The following TGFBR1 variants were observed in gnomAD, a reference collection of about 807,000 sequenced individuals.
TGFBR1 encodes TGF-beta receptor type-1.
A neutral mutation model predicts 55.1 loss-of-function variants in TGFBR1; 20 were observed. That is an observed-to-expected ratio of 0.36 (90% CI 0.26 to 0.53). The LOEUF (loss-of-function observed/expected upper bound fraction) is 0.53. Among genes scored for constraint, TGFBR1 ranks in the 20% least tolerant of loss-of-function variants. The pLI is 0.91. For synonymous variants in TGFBR1, 220 were observed against 214.8 expected, an observed-to-expected ratio of 1.02 and a Z score of -0.21; for missense variants, 385 against 617.6, an observed-to-expected ratio of 0.62 and a Z score of 3.99.
chr9:99,131,008 T>A (rs766101782), intron 2 of TGFBR1, among the ~76,000 whole-genome samples: 13 of 152,136 alleles, frequency 8.5e-5, no homozygotes, highest in Non-Finnish European at 1.6e-4. Flanking sequence ...TATTAAGAGA[T>A]ATAGGGAACA....
At chr9:99,129,330 A>T (rs1827143389) in intron 2 of TGFBR1, among the ~76,000 whole-genome samples, 1 of 152,208 alleles carries the variant, frequency 6.6e-6, no homozygotes, top group African/African-American at 2.4e-5. Flanking sequence ...GAGGTCTGTT[A>T]TACCTAAAAG....
At chr9:99,113,154 G>A (rs1826634604) in intron 1 of TGFBR1, among the ~76,000 whole-genome samples, 1 of 152,160 alleles carries the variant, frequency 6.6e-6, no homozygotes, top group Admixed American at 6.5e-5. Context: ...TCTTCTGGTT[G>A]TATTGAAATT....
At position 99,146,395 on chromosome 9, in the gene TGFBR1, CTATG is replaced by C. The variant is rs1490456936; in HGVS notation, c.1131-86_1131-83del. 8.8e-6 allele frequency: 12 copies of C among 1,362,988 alleles called. No individual in the cohort carries two copies. The East Asian group carries it at 2.5e-4, about 29-fold the overall frequency. 84.4% of individuals were successfully genotyped at this position (1,362,988 alleles called of 1,614,324 possible). A position where few individuals can be genotyped will look rare whatever the true frequency, so the allele number is the denominator to read the frequency against. On this transcript the variant is annotated intron_variant, in intron 6 of 8. Coordinates refer to ENST00000374994, the MANE Select transcript of TGFBR1 (RefSeq NM_004612.4). ...GTTATGTAATATTGTGTACATATGT[CTATG>C]TATAAAGAAATGTCTGAAAGGAGGT...
At chr9:99,119,005 TGAG>T (rs1041484408) in intron 1 of TGFBR1, among the ~76,000 whole-genome samples, 1 of 148,386 alleles carries the variant, frequency 6.7e-6, no homozygotes, top group African/African-American at 2.5e-5. Context: ...ATTGTGAATC[TGAG>T]GGCAGGAATC....
intron 1 of TGFBR1, among the ~76,000 whole-genome samples, chr9:99,114,361 G>A (rs901755402): frequency 6.6e-6 from 1 of 152,234 alleles, no homozygotes; most frequent in African/African-American, 2.4e-5. Flanking sequence ...AAGGAAGACT[G>A]ATAATTTGCA....
Position 99,144,863 on chromosome 9 carries a change from C to G in TGFBR1, c.1105C>G (p.Pro369Ala). The change falls in exon 6 of 9, where the codon CCA (proline) becomes GCA (alanine). Residue 369 changes from proline to alanine, a missense_variant. Coordinates refer to ENST00000374994, the MANE Select transcript of TGFBR1 (RefSeq NM_004612.4). Reference protein sequence around the residue: ...DSATDTIDIAPNHRVGTKRYM... With the variant: ...DSATDTIDIAANHRVGTKRYM... ...AGCCACAGATACCATTGATATTGCT[C>G]CAAACCACAGAGTGGGAACAAAAAG... 1.9e-6 allele frequency: 3 copies of G among 1,613,938 alleles called. No homozygotes were observed. Among genetic ancestry groups the G allele is most frequent in the African/African-American group, 2.7e-5 (2 of 75,030 alleles).
chr9:99,111,153 A>G (rs557875088), intron 1 of TGFBR1, among the ~76,000 whole-genome samples: 33 of 152,242 alleles, frequency 2.2e-4, no homozygotes, highest in Middle Eastern at 6.8e-3. Context: ...ATCACTTACT[A>G]TTTGTATTGA....
At chr9:99,145,955 A>G (rs778237421) in intron 6 of TGFBR1, 2 of 180,236 alleles carry the variant, frequency 1.1e-5, no homozygotes, top group Non-Finnish European at 2.3e-5. Context: ...TTAGGGTGGT[A>G]TGGCCGTAGA....
At position 99,132,513 on chromosome 9, in the gene TGFBR1, G is replaced by T. The variant is rs1827266378; in HGVS notation, c.348G>T (p.Lys116Asn). Reference sequence around the variant, plus strand: ...TCACTCGAGGCCCTTTTTCAGTAAAGTCATCACCTGGCCTTGGTCCTGTGG... The same window carrying T: ...TCACTCGAGGCCCTTTTTCAGTAAATTCATCACCTGGCCTTGGTCCTGTGG... ...CNKIELPTTV[K>N]SSPGLGPVEL... is the part of the protein sequence containing the mutation. The change falls in exon 3 of 9, where the codon AAG becomes AAT. Residue 116 changes from lysine to asparagine, a missense_variant. Transcript: ENST00000374994. 1 of 1,613,900 alleles carries T rather than the reference G, an allele frequency of 6.2e-7. No individual in the cohort carries two copies.
At chr9:99,147,307 T>G (rs1167189299) in intron 7 of TGFBR1, among the ~76,000 whole-genome samples, 1 of 152,246 alleles carries the variant, frequency 6.6e-6, no homozygotes, top group African/African-American at 2.4e-5. Context: ...TATATATCCC[T>G]GTGCAAGTGA....
intron 1 of TGFBR1, among the ~76,000 whole-genome samples, chr9:99,105,533 C>A (rs543890383): frequency 6.6e-6 from 1 of 150,838 alleles, no homozygotes; most frequent in African/African-American, 2.4e-5. Context: ...CGGACGTGTC[C>A]GGCTGCCCGA....
chr9:99,105,230 C>A lies in TGFBR1; in HGVS notation c.25C>A (p.Arg9Ser). 9.3e-7 allele frequency: 1 copy of A among 1,072,618 alleles called. No individual in the cohort carries two copies. Among genetic ancestry groups the A allele is most frequent in the African/African-American group, 1.7e-5 (1 of 58,438 alleles). The allele number at this position is 1,072,618 out of a possible 1,614,324, so 66.4% of individuals were successfully genotyped here. The change falls in exon 1 of 9, where the codon CGT becomes AGT. Residue 9 changes from arginine to serine, a missense_variant. Physicochemically the swap from Arg to Ser is moderately radical, Grantham distance 110. This residue lies in a region of TGFBR1 where 37 missense variants were observed against 40.2 expected (regional missense o/e 0.92). Transcript: ENST00000374994. The part of the protein sequence containing the change: MEAAVAAP[R>S]PRLLLLVLAA... ...CATGGAGGCGGCGGTCGCTGCTCCGCGTCCCCGGCTGCTCCTCCTCGTGCT... is the reference window on the plus strand; with the variant it reads ...CATGGAGGCGGCGGTCGCTGCTCCGAGTCCCCGGCTGCTCCTCCTCGTGCT...
At position 99,151,815 on chromosome 9, in the gene TGFBR1, A is replaced by G. The variant is rs1371418631; in HGVS notation, c.*2510A>G. ...AGAAACTTAAAAGGTGGGATGGATCATGATTACTGTCGATAACTGCAGATA... is the reference window on the plus strand; with the variant it reads ...AGAAACTTAAAAGGTGGGATGGATCGTGATTACTGTCGATAACTGCAGATA... On this transcript the variant is annotated 3_prime_UTR_variant, in exon 9 of 9. Transcript: ENST00000374994. 1 of 215,594 alleles carries G rather than the reference A, an allele frequency of 4.6e-6. No individual in the cohort carries two copies. Among genetic ancestry groups the G allele is most frequent in the East Asian group, 6.9e-5 (1 of 14,450 alleles). The allele number at this position is 215,594 out of a possible 1,614,324, so 13.4% of individuals were successfully genotyped here.
At position 99,138,746 on chromosome 9, in the gene TGFBR1, A is replaced by G. The variant is rs557639936; in HGVS notation, c.805+657A>G. Among the ~76,000 whole-genome samples the G allele has an allele frequency of 5.3e-5, 8 of 151,988 alleles. No homozygotes were observed. The South Asian group carries it at 1.5e-3, about 28-fold the overall frequency. The stretch of plus-strand genomic sequence containing the variant: ...TGGGGACTGCAAGCAGTGACCTTAG[A>G]CTGTGCTGCTGCCACTTTCTTAGCT... On this transcript the variant is annotated intron_variant, in intron 4 of 8. Coordinates refer to ENST00000374994, the MANE Select transcript of TGFBR1 (RefSeq NM_004612.4).
At chr9:99,118,511 TATC>T (rs1826811615) in intron 1 of TGFBR1, among the ~76,000 whole-genome samples, 1 of 152,348 alleles carries the variant, frequency 6.6e-6, no homozygotes, top group Admixed American at 6.5e-5. Context: ...AATTTTTAAA[TATC>T]ATGAATAGCT....
chr9:99,109,944 T>G (rs1323317521), intron 1 of TGFBR1, among the ~76,000 whole-genome samples: 1 of 152,244 alleles, frequency 6.6e-6, no homozygotes, highest in African/African-American at 2.4e-5. Context: ...AATGCCATTC[T>G]TAGCTGAATT....
intron 4 of TGFBR1, among the ~76,000 whole-genome samples, chr9:99,141,486 T>C (rs1392919386): frequency 6.6e-6 from 1 of 152,220 alleles, no homozygotes; most frequent in Non-Finnish European, 1.5e-5. Flanking sequence ...GAGCACAGTT[T>C]ATGTACTTCT....
At position 99,152,840 on chromosome 9, in the gene TGFBR1, C is replaced by G. The variant is rs1828015405; in HGVS notation, c.*3535C>G. 4.3e-6 allele frequency: 1 copy of G among 231,480 alleles called. No homozygotes were observed. The highest frequency in any genetic ancestry group is 1.8e-4 in the South Asian group (1 of 5,512). 14.3% of individuals were successfully genotyped at this position (231,480 alleles called of 1,614,324 possible). A position where few individuals can be genotyped will look rare whatever the true frequency, so the allele number is the denominator to read the frequency against. Reference sequence around the variant, plus strand: ...AGCTTCTTGTCTCTGTTTTGGATTACTGGAATACCCATGGGCCCTCTCAAG... The same window carrying G: ...AGCTTCTTGTCTCTGTTTTGGATTAGTGGAATACCCATGGGCCCTCTCAAG... On this transcript the variant is annotated 3_prime_UTR_variant, in exon 9 of 9. Coordinates refer to ENST00000374994, the MANE Select transcript of TGFBR1 (RefSeq NM_004612.4).
At chr9:99,128,494 A>AC (rs1827107384) in intron 1 of TGFBR1, among the ~76,000 whole-genome samples, 1 of 151,292 alleles carries the variant, frequency 6.6e-6, no homozygotes, top group East Asian at 1.9e-4. Flanking sequence ...AAAAAAAAAA[A>AC]AAAAAGTATA....
Sources: allele counts gnomAD v4.1 joint callset (sites outside exome capture counted in the v4.1 genomes callset), GRCh38; gene constraint gnomAD v4.1.1; regional missense constraint gnomAD v4.1.1; transcripts MANE v1.5; gene names NCBI Gene and HGNC (gene_info 2026-07-23, HGNC 2026-07-21).